CUL2: variants seen among roughly 807,000 people sequenced by gnomAD.
CUL2 encodes the protein cullin-2.
A neutral mutation model predicts 110.2 loss-of-function variants in CUL2; 22 were observed. That is an observed-to-expected ratio of 0.20 (90% confidence interval 0.14 to 0.28). CUL2 has a LOEUF of 0.28. Ranked by LOEUF, CUL2 falls within the 10% of genes least tolerant of loss-of-function variation. The pLI is 1.00. For missense variants in CUL2, 631 were observed against 905.5 expected (o/e 0.70, Z 3.89); for synonymous variants, 279 against 293.2 (o/e 0.95, Z 0.49).
intron 8 of CUL2, among the ~76,000 whole-genome samples, chr10:35,041,705 T>C (rs1056063159): frequency 1.3e-5 from 2 of 152,092 alleles, no homozygotes; most frequent in African/African-American, 4.8e-5. Flanking sequence ...TGTGGCTAGT[T>C]TTTTAATTTT....
intron 1 of CUL2, among the ~76,000 whole-genome samples, chr10:35,120,216 T>C (rs1015702336): frequency 6.6e-6 from 1 of 152,124 alleles, no homozygotes; most frequent in Non-Finnish European, 1.5e-5. Flanking sequence ...AAATACCAAA[T>C]TAATTGTCAT....
intron 9 of CUL2, among the ~76,000 whole-genome samples, chr10:35,036,496 T>G (rs2085624111): frequency 6.6e-6 from 1 of 152,142 alleles, no homozygotes. Context: ...GATCATAAAA[T>G]ATGCATAATA....
intron 1 of CUL2, among the ~76,000 whole-genome samples, chr10:35,125,201 G>A (rs773033821): frequency 1.5e-4 from 23 of 152,130 alleles, no homozygotes; most frequent in Non-Finnish European, 2.5e-4. Context: ...ACATCTTACA[G>A]CAAGGGTATA....
chr10:35,032,141 C>G (rs2085495111), intron 12 of CUL2, among the ~76,000 whole-genome samples: 1 of 152,128 alleles, frequency 6.6e-6, no homozygotes, highest in Non-Finnish European at 1.5e-5. Context: ...GTTACCCAAA[C>G]TTTATCATCA....
intron 16 of CUL2, 51 bp from the exon 17 acceptor site, chr10:35,025,249 C>A: frequency 6.6e-7 from 1 of 1,521,646 alleles, no homozygotes; most frequent in South Asian, 1.3e-5. Context: ...TATAACTTGC[C>A]TAGTTAATTA....
chr10:35,052,392 C>T (rs2086133535), intron 5 of CUL2, among the ~76,000 whole-genome samples: 1 of 152,168 alleles, frequency 6.6e-6, no homozygotes, highest in Admixed American at 6.5e-5. Flanking sequence ...GGATGTGCTT[C>T]GACAGAGGCT....
chr10:35,088,712 G>T (rs908921040), intron 1 of CUL2, among the ~76,000 whole-genome samples: 1 of 152,052 alleles, frequency 6.6e-6, no homozygotes, highest in African/African-American at 2.4e-5. Context: ...CACATTTATA[G>T]AACACTGAAA....
intron 1 of CUL2, among the ~76,000 whole-genome samples, chr10:35,074,588 G>A (rs988446451): frequency 2.0e-5 from 3 of 152,078 alleles, no homozygotes; most frequent in Admixed American, 6.6e-5. Context: ...CCACGTTCAA[G>A]TGATTCACCT....
upstream of CUL2, among the ~76,000 whole-genome samples, chr10:35,094,930 C>T (rs912049991): frequency 6.6e-6 from 1 of 152,130 alleles, no homozygotes; most frequent in Non-Finnish European, 1.5e-5. Context: ...GATTGCTTTC[C>T]TTGTTTTACT....
intron 10 of CUL2, 21 bp from the exon 11 acceptor site, chr10:35,033,294 CA>C (rs1168108372): frequency 5.9e-6 from 9 of 1,517,058 alleles, no homozygotes; most frequent in Non-Finnish European, 8.2e-6. Flanking sequence ...AATATAAGTA[CA>C]AAACCACATT....
chr10:35,105,399 C>T (rs570994761), intron 1 of CUL2, among the ~76,000 whole-genome samples: 10 of 150,682 alleles, frequency 6.6e-5, no homozygotes, highest in African/African-American at 2.2e-4. Context: ...GCACTCCAGC[C>T]TGGGCGACAG....
chr10:35,076,603 G>A (rs1401605268), intron 1 of CUL2, among the ~76,000 whole-genome samples: 1 of 152,100 alleles, frequency 6.6e-6, no homozygotes, highest in Non-Finnish European at 1.5e-5. Flanking sequence ...CCCATTGAAT[G>A]AGGCAATAAA....
At position 35,071,608 on chromosome 10, in the gene CUL2, C is replaced by A. The variant is rs138780577; in HGVS notation, c.-22-269G>T. ...TTTTTTTAGTAGAGACGGGGTTTCA[C>A]TGTGTTAGCCAGGATGGTCTTGATC... On this transcript the variant is annotated intron_variant, in intron 1 of 20. Transcript: ENST00000374749. Among the ~76,000 whole-genome samples the A allele has an allele frequency of 2.9e-3, 445 of 152,294 alleles. 3 individuals are homozygous for A. Among genetic ancestry groups the A allele is most frequent in the African/African-American group, 0.01 (432 of 41,560 alleles).
chr10:35,058,651 C>A (rs1486261184), intron 4 of CUL2, among the ~76,000 whole-genome samples: 1 of 152,144 alleles, frequency 6.6e-6, no homozygotes, highest in Non-Finnish European at 1.5e-5. Flanking sequence ...CTTCTATTTC[C>A]TTTTGCTTCA....
chr10:35,084,646 T>C (rs1322863354), intron 1 of CUL2, among the ~76,000 whole-genome samples: 1 of 152,208 alleles, frequency 6.6e-6, no homozygotes, highest in African/African-American at 2.4e-5. Flanking sequence ...TGAATAGATA[T>C]TGTGATTAAC....
intron 1 of CUL2, among the ~76,000 whole-genome samples, chr10:35,104,729 T>G (rs2135115456): frequency 6.6e-6 from 1 of 151,910 alleles, no homozygotes; most frequent in Non-Finnish European, 1.5e-5. Context: ...AAACGAAGAA[T>G]CAAAGACTTT....
At chr10:35,021,278 A>G (rs2085174812) in intron 17 of CUL2, among the ~76,000 whole-genome samples, 1 of 148,134 alleles carries the variant, frequency 6.8e-6, no homozygotes, top group African/African-American at 2.5e-5. Flanking sequence ...TTTTTTTGAG[A>G]CGGAGTCTTG....
chr10:35,097,434 G>A (rs886616051), intron 2 of CUL2, among the ~76,000 whole-genome samples: 2 of 144,856 alleles, frequency 1.4e-5, no homozygotes, highest in Non-Finnish European at 3.0e-5. Flanking sequence ...AGATTGCAGT[G>A]AACTGTGATC....
At chr10:35,063,353 T>C (rs187454614) in intron 2 of CUL2, among the ~76,000 whole-genome samples, 1 of 152,226 alleles carries the variant, frequency 6.6e-6, no homozygotes, top group Admixed American at 6.5e-5. Context: ...TTCTGGAAAA[T>C]CAAATTACCC....
Sources: gnomAD v4.1 joint callset for allele counts (sites outside exome capture counted in the v4.1 genomes callset) on GRCh38, gnomAD v4.1.1 for gene constraint, MANE v1.5 for transcripts, NCBI Gene and HGNC (gene_info 2026-07-23, HGNC 2026-07-21) for gene names.